The following ATM variants were observed in gnomAD, a reference collection of about 807,000 sequenced individuals.
ATM encodes serine-protein kinase ATM.
ATM carries 308 observed loss-of-function variants against 387.0 expected under a neutral mutation model. The ratio of observed to expected loss-of-function variants is 0.80; its 90% CI spans 0.73 to 0.87. The LOEUF is 0.87. Ranked by LOEUF, ATM falls within the 40% of genes least tolerant of loss-of-function variation. The pLI, the probability that ATM is intolerant of heterozygous loss-of-function variation, is 0.00. For missense variants in ATM, 3,312 were observed against 3,560.9 expected, an observed-to-expected ratio of 0.93 and a Z score of 1.78; for synonymous variants, 1,156 against 1,187.3, an observed-to-expected ratio of 0.97 and a Z score of 0.54.
chr11:108,247,619 G>A (rs1384334836), intron 8 of ATM, among the ~76,000 whole-genome samples: 1 of 151,840 alleles, frequency 6.6e-6, no homozygotes, highest in Non-Finnish European at 1.5e-5. Context: ...TTTTTGAGAT[G>A]GAGTCTTGCT....
At chr11:108,298,779 T>C (rs2083257582) in intron 33 of ATM, among the ~76,000 whole-genome samples, 1 of 152,188 alleles carries the variant, frequency 6.6e-6, no homozygotes, top group South Asian at 2.1e-4. Flanking sequence ...TGATCTTATG[T>C]ATGGAAAATC....
intron 5 of ATM, among the ~76,000 whole-genome samples, chr11:108,239,088 A>G (rs1392179121): frequency 1.3e-5 from 2 of 152,176 alleles, no homozygotes; most frequent in Non-Finnish European, 2.9e-5. Context: ...TAACTCCCAA[A>G]GGGATGGTAT....
Position 108,259,174 on chromosome 11 carries a change from T to G in ATM, c.2466+99T>G, listed in dbSNP as rs916929539. 77 of 998,002 alleles carry G rather than the reference T, an allele frequency of 7.7e-5. No homozygotes were observed. In the Admixed American group the frequency reaches 1.5e-3, roughly 19 times the overall value. 61.8% of individuals were successfully genotyped at this position (998,002 alleles called of 1,614,324 possible). ...AAATAAGGATGCATCTCACAACATA[T>G]AGCTCTTAACATTTTTACAAATGTG... On this transcript the variant is annotated intron_variant, in intron 16 of 62. Coordinates refer to ENST00000675843, the MANE Select transcript of ATM (RefSeq NM_000051.4).
At chr11:108,321,059 A>G (rs900981323) in intron 44 of ATM, among the ~76,000 whole-genome samples, 2 of 152,182 alleles carry the variant, frequency 1.3e-5, no homozygotes, top group East Asian at 1.9e-4. Flanking sequence ...TGGTCTTGCT[A>G]TCTCAGGGGT....
At chr11:108,292,484 TA>T in intron 29 of ATM, 134 bp from the exon 30 acceptor site, 1 of 1,070,900 alleles carries the variant, frequency 9.3e-7, no homozygotes, top group Non-Finnish European at 1.4e-6. Context: ...TTTTGGCTTA[TA>T]AGCCATTAAA....
chr11:108,289,531 A>G lies in ATM; in HGVS notation c.4237-71A>G, dbSNP rs45547832. 1.1e-4 allele frequency: 124 copies of G among 1,147,924 alleles called. 1 individual carries two copies. Among genetic ancestry groups the G allele is most frequent in the Non-Finnish European group, 1.4e-4 (118 of 816,358 alleles). The allele number at this position is 1,147,924 out of a possible 1,614,324, so 71.1% of individuals were successfully genotyped here. A position where few individuals can be genotyped will look rare whatever the true frequency, so the allele number is the denominator to read the frequency against. On this transcript the variant is annotated intron_variant, in intron 28 of 62. Transcript: ENST00000675843. ...TAGGTATTCAAATATTTGAAGAAAA[A>G]ATATAAAGTGTATTTATTGTAGCCG... is the stretch of plus-strand genomic sequence containing the variant.
intron 49 of ATM, 176 bp downstream of exon 49, chr11:108,329,414 T>C: frequency 3.9e-6 from 2 of 509,312 alleles, no homozygotes; most frequent in Admixed American, 3.6e-5. Flanking sequence ...TTGTTTTTTG[T>C]TTTTTTTTTT....
In ATM at chr11:108,335,884, G is replaced by A. The variant is rs1215175886; in HGVS notation, c.8191G>A (p.Val2731Ile). The A allele has an allele frequency of 6.2e-7, 1 of 1,614,012 alleles. No homozygotes were observed. Among genetic ancestry groups the A allele is most frequent in the Non-Finnish European group, 8.5e-7 (1 of 1,179,974 alleles). The change falls in exon 56 of 63, where the codon GTC becomes ATC. Residue 2731 changes from valine (V) to isoleucine (I), a missense_variant. By Grantham distance (29) the Val-to-Ile change is conservative. This residue lies in a region of ATM where 1,405 missense variants were observed against 1,604.4 expected (regional missense o/e 0.88). Coordinates refer to ENST00000675843, the MANE Select transcript of ATM (RefSeq NM_000051.4). ...DLRQDAVMQQ[V>I]FQMCNTLLQR... ...GAGACAAGATGCTGTCATGCAACAGGTCTTCCAGATGTGTAATACATTACT... is the reference window on the plus strand; with the variant it reads ...GAGACAAGATGCTGTCATGCAACAGATCTTCCAGATGTGTAATACATTACT...
intron 31 of ATM, among the ~76,000 whole-genome samples, chr11:108,293,897 ATATATAT>A (rs2082974728): frequency 8.8e-6 from 1 of 114,230 alleles, no homozygotes; most frequent in African/African-American, 3.4e-5. Flanking sequence ...AAAAAAAAAT[ATATATAT>A]ATATATATAT....
Position 108,253,817 on chromosome 11 carries a change from A to C in ATM, c.1902A>C (p.Glu634Asp). ...TAAAGATCTTACTTTCTTGAAGTGA[A>C]CACCACCAAAAAGATAAAGAAGAAC... is the stretch of plus-strand genomic sequence containing the variant. Reference protein sequence around the residue: ...MNFFQSVPECEHHQKDKEELS... With the variant: ...MNFFQSVPECDHHQKDKEELS... The change falls in exon 13 of 63, where the codon GAA (glutamate) becomes GAC (aspartate). Residue 634 changes from glutamate (E) to aspartate (D), a missense_variant. Coordinates refer to ENST00000675843, the MANE Select transcript of ATM (RefSeq NM_000051.4). 1 of 1,612,732 alleles carries C rather than the reference A, an allele frequency of 6.2e-7. No individual in the cohort carries two copies. The highest frequency in any genetic ancestry group is 8.5e-7 in the Non-Finnish European group (1 of 1,179,300).
At chr11:108,296,250 A>G (rs1174152880) in intron 32 of ATM, among the ~76,000 whole-genome samples, 2 of 150,114 alleles carry the variant, frequency 1.3e-5, no homozygotes, top group Non-Finnish European at 1.5e-5. Context: ...AATTAATTTC[A>G]TATTTCTTTT....
chr11:108,322,738 T>A (rs1237700053), intron 45 of ATM, among the ~76,000 whole-genome samples: 1 of 152,204 alleles, frequency 6.6e-6, no homozygotes, highest in African/African-American at 2.4e-5. Context: ...TTTAAAAAAT[T>A]CAGCTTAAAA....
intron 58 of ATM, among the ~76,000 whole-genome samples, chr11:108,346,256 T>C (rs1470650163): frequency 1.3e-5 from 2 of 152,136 alleles, no homozygotes; most frequent in African/African-American, 4.8e-5. Context: ...TGATAACTTA[T>C]TTCCTTTAAT....
intron 39 of ATM, among the ~76,000 whole-genome samples, chr11:108,311,508 C>T (rs1321138418): frequency 6.6e-6 from 1 of 152,000 alleles, no homozygotes; most frequent in Non-Finnish European, 1.5e-5. Context: ...CCAGCTTGGG[C>T]AACATAGTGA....
At chr11:108,265,047 G>T in intron 16 of ATM, among the ~76,000 whole-genome samples, 1 of 146,372 alleles carries the variant, frequency 6.8e-6, no homozygotes, top group South Asian at 2.2e-4. Flanking sequence ...TGTGAAAATG[G>T]CCATACTGCC....
At chr11:108,325,680 T>G in intron 46 of ATM, 136 bp downstream of exon 46, 2 of 827,852 alleles carry the variant, frequency 2.4e-6, no homozygotes, top group Non-Finnish European at 3.7e-6. Flanking sequence ...AATAATTGTT[T>G]AAGAGTTCCC....
At chr11:108,308,308 C>T (rs1247608875) in intron 38 of ATM, among the ~76,000 whole-genome samples, 2 of 152,144 alleles carry the variant, frequency 1.3e-5, no homozygotes, top group Non-Finnish European at 2.9e-5. Context: ...AGCTGTATTA[C>T]CCCTCTTTTT....
In ATM at chr11:108,294,994, A is replaced by T. The variant is rs867309383; in HGVS notation, c.4844A>T (p.Lys1615Met). ...CCATTGACAAGACTTGAAGGACTAAAGGATCTTCGAAGACAACTGGAACTA... is the reference window on the plus strand; with the variant it reads ...CCATTGACAAGACTTGAAGGACTAATGGATCTTCGAAGACAACTGGAACTA... Reference protein sequence around the residue: ...ALPLTRLEGLKDLRRQLELHK... With the variant: ...ALPLTRLEGLMDLRRQLELHK... The change falls in exon 32 of 63, where the codon AAG becomes ATG. Residue 1615 changes from lysine (K) to methionine (M), a missense_variant. Physicochemically the swap from Lys to Met is moderately conservative, Grantham distance 95 (BLOSUM62 -1). Coordinates refer to ENST00000675843, the MANE Select transcript of ATM (RefSeq NM_000051.4). The T allele has an allele frequency of 6.2e-7, 1 of 1,613,968 alleles. No individual in the cohort carries two copies. Among genetic ancestry groups the T allele is most frequent in the Non-Finnish European group, 8.5e-7 (1 of 1,179,888 alleles).
At chr11:108,270,189 T>G (rs1363594383) in intron 18 of ATM, among the ~76,000 whole-genome samples, 2 of 152,170 alleles carry the variant, frequency 1.3e-5, no homozygotes, top group Non-Finnish European at 2.9e-5. Context: ...CAGCAGCCCT[T>G]TCTGTGCATA....
Sources: allele counts gnomAD v4.1 joint callset (sites outside exome capture counted in the v4.1 genomes callset), GRCh38; gene constraint gnomAD v4.1.1; regional missense constraint gnomAD v4.1.1; transcripts MANE v1.5; gene names NCBI Gene and HGNC (gene_info 2026-07-23, HGNC 2026-07-21).